The following ARHGAP21 variants were observed in gnomAD, a reference collection of about 807,000 sequenced individuals.
The protein encoded by ARHGAP21 is rho GTPase-activating protein 21.
In ARHGAP21, 38 loss-of-function variants were observed where a neutral mutation model predicts 164.6. The ratio of observed to expected loss-of-function variants is 0.23; its 90% CI spans 0.18 to 0.30. The LOEUF is 0.30. Among genes scored for constraint, ARHGAP21 ranks in the 10% least tolerant of loss-of-function variants. The pLI is 1.00. For missense variants in ARHGAP21, 1,822 were observed against 2,370.7 expected, an observed-to-expected ratio of 0.77 and a Z score of 4.81; for synonymous variants, 766 against 857.9, an observed-to-expected ratio of 0.89 and a Z score of 1.87.
At chr10:24,683,555 G>C (rs1182899327) in intron 2 of ARHGAP21, among the ~76,000 whole-genome samples, 1 of 151,714 alleles carries the variant, frequency 6.6e-6, no homozygotes, top group East Asian at 1.9e-4. Context: ...GCAGTGGCAT[G>C]AGCCTGGCTC....
intron 6 of ARHGAP21, among the ~76,000 whole-genome samples, chr10:24,630,736 G>A (rs1438289419): frequency 6.6e-6 from 1 of 152,052 alleles, no homozygotes; most frequent in African/African-American, 2.4e-5. Flanking sequence ...CAAGGGACCT[G>A]CCCACTTCAG....
At chr10:24,650,993 C>A (rs766467185) in intron 4 of ARHGAP21, among the ~76,000 whole-genome samples, 1 of 151,824 alleles carries the variant, frequency 6.6e-6, no homozygotes, top group East Asian at 1.9e-4. Context: ...TCAGGGCCAG[C>A]CAAGGAAAAG....
chr10:24,646,275 A>G (rs1837561723), intron 4 of ARHGAP21, among the ~76,000 whole-genome samples: 1 of 152,100 alleles, frequency 6.6e-6, no homozygotes, highest in South Asian at 2.1e-4. Flanking sequence ...AGGAAAGAAA[A>G]TGGGACTACT....
intron 9 of ARHGAP21, among the ~76,000 whole-genome samples, chr10:24,618,234 T>A (rs994410958): frequency 6.6e-6 from 1 of 152,230 alleles, no homozygotes; most frequent in South Asian, 2.1e-4. Flanking sequence ...TTCAAAATTG[T>A]CTTTCAGCCA....
intron 2 of ARHGAP21, among the ~76,000 whole-genome samples, chr10:24,709,415 CTA>C (rs1164424811): frequency 5.3e-5 from 8 of 152,248 alleles, no homozygotes; most frequent in African/African-American, 1.9e-4. Context: ...CTAACTCATT[CTA>C]TGAGGCCAGT....
chr10:24,666,252 G>C (rs900920753), intron 4 of ARHGAP21, among the ~76,000 whole-genome samples: 1 of 151,982 alleles, frequency 6.6e-6, no homozygotes, highest in Non-Finnish European at 1.5e-5. Context: ...GGATAGTCTC[G>C]ATCTCCTGAC....
At chr10:24,659,668 CTTTCT>C (rs1839470948) in intron 4 of ARHGAP21, among the ~76,000 whole-genome samples, 1 of 152,150 alleles carries the variant, frequency 6.6e-6, no homozygotes, top group South Asian at 2.1e-4. Context: ...GAGTAAAGAA[CTTTCT>C]TTTTTTTGTT....
rs188388188 is a variant in ARHGAP21, at chr10:24,634,415, A to G, written c.361+596T>C. On this transcript the variant is annotated intron_variant, in intron 5 of 25. Coordinates refer to ENST00000396432, the MANE Select transcript of ARHGAP21 (RefSeq NM_020824.4). ...TTGTCTAATGTTTAAAAAACAAAAG[A>G]AAAGAGTATTTTAGAGTGTGCACTA... Among the ~76,000 whole-genome samples, 1,378 of 152,340 alleles carry G rather than the reference A, an allele frequency of 9.0e-3. 23 individuals are homozygous for G. The highest frequency in any genetic ancestry group is 0.032 in the African/African-American group (1,333 of 41,586).
chr10:24,722,107 T>G lies in ARHGAP21; in HGVS notation c.-208A>C, dbSNP rs1055887927. Reference sequence around the variant, plus strand: ...CTGATTTCTCGTGACTTCAACTGACTTCGCCTTCTTCTTCCATTTCTGGAG... The same window carrying G: ...CTGATTTCTCGTGACTTCAACTGACGTCGCCTTCTTCTTCCATTTCTGGAG... On this transcript the variant is annotated 5_prime_UTR_variant, in exon 2 of 26. Coordinates refer to ENST00000396432, the MANE Select transcript of ARHGAP21 (RefSeq NM_020824.4). The G allele has an allele frequency of 3.2e-5, 19 of 601,036 alleles. No homozygotes were observed. Among genetic ancestry groups the G allele is most frequent in the African/African-American group, 2.4e-4 (13 of 53,808 alleles). 37.2% of individuals were successfully genotyped at this position (601,036 alleles called of 1,614,324 possible).
intron 2 of ARHGAP21, among the ~76,000 whole-genome samples, chr10:24,716,619 G>T (rs1845411540): frequency 1.3e-5 from 2 of 152,256 alleles, no homozygotes; most frequent in African/African-American, 4.8e-5. Context: ...AAGAACTTTG[G>T]CCTTCAATCT....
At chr10:24,667,072 G>T in intron 3 of ARHGAP21, 63 bp from the exon 4 acceptor site, 1 of 911,082 alleles carries the variant, frequency 1.1e-6, no homozygotes, top group Non-Finnish European at 1.6e-6. Flanking sequence ...GTTAATCACA[G>T]CAAGGCTCAA....
At chr10:24,702,127 C>CTTTTTTTTT (rs71798625) in intron 2 of ARHGAP21, among the ~76,000 whole-genome samples, 6 of 104,630 alleles carry the variant, frequency 5.7e-5, no homozygotes, top group East Asian at 2.9e-4. Flanking sequence ...ACTTCCGGTT[C>CTTTTTTTTT]TTTTTTTTTT....
intron 15 of ARHGAP21, among the ~76,000 whole-genome samples, 176 bp from the exon 16 acceptor site, chr10:24,597,759 G>A (rs562842181): frequency 3.3e-5 from 5 of 152,212 alleles, no homozygotes; most frequent in African/African-American, 9.6e-5. Context: ...CTTTCATCCC[G>A]AGTAGCCACA....
chr10:24,719,724 A>C (rs1481270810), intron 2 of ARHGAP21, among the ~76,000 whole-genome samples: 1 of 152,218 alleles, frequency 6.6e-6, no homozygotes, highest in Non-Finnish European at 1.5e-5. Context: ...AATGTTCAAA[A>C]ACCTAAATAT....
intron 13 of ARHGAP21, 64 bp downstream of exon 13, chr10:24,601,914 C>A (rs1457336499): frequency 2.1e-6 from 3 of 1,419,878 alleles, no homozygotes; most frequent in East Asian, 2.5e-5. Flanking sequence ...TGTATACAGG[C>A]TTTATGGTTT....
chr10:24,702,172 C>T lies in ARHGAP21; in HGVS notation c.63+19665G>A, dbSNP rs1302562935. Among the ~76,000 whole-genome samples the T allele has an allele frequency of 4.7e-5, 6 of 126,700 alleles. No individual in the cohort carries two copies. The South Asian group carries it at 1.3e-3, about 28-fold the overall frequency. The allele number at this position is 126,700 out of a possible 152,430, so 83.1% of individuals were successfully genotyped here. On this transcript the variant is annotated intron_variant, in intron 2 of 25. Transcript: ENST00000396432. ...TTGAGACGGAGTCTTGCTCTGTCGT[C>T]CAGTCTGGAGTGCAGTGGCGCGATC... is the stretch of plus-strand genomic sequence containing the variant.
At chr10:24,588,500 A>T (rs1382056343) in intron 25 of ARHGAP21, among the ~76,000 whole-genome samples, 1 of 151,986 alleles carries the variant, frequency 6.6e-6, no homozygotes, top group Non-Finnish European at 1.5e-5. Context: ...GACATGATAA[A>T]GCATTTTTGT....
intron 9 of ARHGAP21, among the ~76,000 whole-genome samples, chr10:24,614,802 G>A (rs963536830): frequency 1.4e-4 from 21 of 147,806 alleles, no homozygotes; most frequent in East Asian, 1.4e-3. Context: ...AAAAAAATGC[G>A]GCTAGGTTTT....
At chr10:24,596,147 C>A in intron 17 of ARHGAP21, 104 bp from the exon 18 acceptor site, 2 of 986,824 alleles carry the variant, frequency 2.0e-6, no homozygotes, top group Non-Finnish European at 2.9e-6. Context: ...ACATAAATTG[C>A]TGTTATGTAA....
Sources: allele counts gnomAD v4.1 joint callset (sites outside exome capture counted in the v4.1 genomes callset), GRCh38; gene constraint gnomAD v4.1.1; transcripts MANE v1.5; gene names NCBI Gene and HGNC (gene_info 2026-07-23, HGNC 2026-07-21).